Variants in EGF observed in about 807,000 individuals in gnomAD.
EGF encodes epidermal growth factor, also known as pro-epidermal growth factor.
In EGF, 95 loss-of-function variants were observed where a neutral mutation model predicts 143.8. The observed-to-expected ratio is 0.66, with a 90% CI of 0.56 to 0.78. EGF has a LOEUF of 0.78. EGF is among the 30% of genes least tolerant of loss of function. The probability of loss-of-function intolerance (pLI) is 0.00; values close to 1 mark genes in which losing one functional copy is unlikely to be tolerated. For synonymous variants in EGF, 510 were observed against 510.5 expected, an observed-to-expected ratio of 1.00 and a Z score of 0.01; for missense variants, 1,320 against 1,470.9, an observed-to-expected ratio of 0.90 and a Z score of 1.68.
intron 12 of EGF, among the ~76,000 whole-genome samples, chr4:109,975,201 A>G (rs1223171703): frequency 1.3e-5 from 2 of 152,220 alleles, no homozygotes; most frequent in African/African-American, 4.8e-5. Context: ...ATGACAGAAA[A>G]CAGAAACTGT....
chr4:109,937,666 A>C (rs888006754), intron 1 of EGF, among the ~76,000 whole-genome samples: 5 of 151,950 alleles, frequency 3.3e-5, no homozygotes, highest in African/African-American at 9.7e-5. Flanking sequence ...CTTCCTTTCC[A>C]TATTTAGTGC....
In EGF at chr4:109,980,901, C is replaced by G; in HGVS notation, c.2297C>G (p.Ser766Trp). 6.2e-7 allele frequency: 1 copy of G among 1,614,010 alleles called. No individual in the cohort carries two copies. The highest frequency in any genetic ancestry group is 1.1e-5 in the South Asian group (1 of 91,064). ...CKKRLGTAWC[S>W]CREGFMKASD... ...AAGAGGCTTGGAACTGCTTGGTGTT[C>G]GTGTCGTGAAGGTTTTATGAAAGCC... Residue 766 changes from serine to tryptophan, a missense_variant, in exon 15 of 24, where the codon TCG becomes TGG. Around this residue, in one of 5 missense-constraint regions of EGF, gnomAD observed 1,186 missense variants for 1,313.7 expected, o/e 0.90. Transcript: ENST00000265171.
At position 109,913,032 on chromosome 4, in the gene EGF, A is replaced by G. The variant is rs1735987718; in HGVS notation, c.-304A>G. On this transcript the variant is annotated 5_prime_UTR_variant, in exon 1 of 24. Transcript: ENST00000265171. Reference sequence around the variant, plus strand: ...TTGCTCTGTCACAGTGAAGTCAGCCAGAGCAGGGCTGTTAAACTCTGTGAA... The same window carrying G: ...TTGCTCTGTCACAGTGAAGTCAGCCGGAGCAGGGCTGTTAAACTCTGTGAA... 5.6e-6 allele frequency: 2 copies of G among 355,556 alleles called. No individual in the cohort carries two copies. Among genetic ancestry groups the G allele is most frequent in the Middle Eastern group, 9.3e-4 (1 of 1,078 alleles). The allele number at this position is 355,556 out of a possible 1,614,324, so 22.0% of individuals were successfully genotyped here.
At chr4:109,989,209 C>T (rs1270860917) in intron 18 of EGF, among the ~76,000 whole-genome samples, 3 of 152,150 alleles carry the variant, frequency 2.0e-5, no homozygotes, top group Non-Finnish European at 2.9e-5. Context: ...AAGCCACTGA[C>T]GTTGAAATAC....
intron 1 of EGF, among the ~76,000 whole-genome samples, chr4:109,922,422 G>A (rs1737963951): frequency 6.6e-6 from 1 of 151,666 alleles, no homozygotes. Context: ...ATACTGACAT[G>A]TTGTCTTCTG....
intron 5 of EGF, among the ~76,000 whole-genome samples, chr4:109,950,620 C>T (rs1481357012): frequency 6.6e-6 from 1 of 152,194 alleles, no homozygotes; most frequent in African/African-American, 2.4e-5. Context: ...AGCTTCTTCT[C>T]TCACCCTTGT....
intron 5 of EGF, 191 bp from the exon 6 acceptor site, chr4:109,959,121 A>G: frequency 1.3e-6 from 1 of 747,414 alleles, no homozygotes; most frequent in Non-Finnish European, 2.1e-6. Flanking sequence ...GTTTTGGAGA[A>G]GTAATACAAT....
chr4:109,987,691 G>T (rs986326389), intron 16 of EGF, 53 bp from the exon 17 acceptor site: 1 of 1,466,944 alleles, frequency 6.8e-7, no homozygotes, highest in Non-Finnish European at 9.6e-7. Flanking sequence ...ATTAAAGTCC[G>T]TTTTCTTCTC....
At chr4:109,957,076 G>A (rs992539982) in intron 5 of EGF, among the ~76,000 whole-genome samples, 25 of 152,026 alleles carry the variant, frequency 1.6e-4, no homozygotes, top group African/African-American at 6.0e-4. Context: ...TGTACACTAG[G>A]GACATTTTCA....
In EGF at chr4:109,993,362, T is replaced by A. The variant is rs2126152335; in HGVS notation, c.2850T>A (p.Ile950=). ...GACGCCTGTCTGAACCAGGACTGATTTGCCCTGGTAGGTTGGTGGGTGGTC... is the reference window on the plus strand; with the variant it reads ...GACGCCTGTCTGAACCAGGACTGATATGCCCTGGTAGGTTGGTGGGTGGTC... ...CAGRLSEPGL[I]CPDSTPPPHL... is the part of the protein sequence containing the mutation. The change falls in exon 19 of 24, where the codon ATT becomes ATA. Residue 950 remains isoleucine, a synonymous_variant. Coordinates refer to ENST00000265171, the MANE Select transcript of EGF (RefSeq NM_001963.6). The A allele has an allele frequency of 1.2e-6, 2 of 1,613,432 alleles. No individual in the cohort carries two copies. Among genetic ancestry groups the A allele is most frequent in the South Asian group, 1.1e-5 (1 of 91,056 alleles).
chr4:109,990,729 C>T (rs1471610566), intron 18 of EGF, among the ~76,000 whole-genome samples: 1 of 152,118 alleles, frequency 6.6e-6, no homozygotes, highest in Admixed American at 6.5e-5. Flanking sequence ...TTGCAGATGG[C>T]CACCTGCTCA....
At position 109,944,983 on chromosome 4, in the gene EGF, C is replaced by T; in HGVS notation, c.738-90C>T. The T allele has an allele frequency of 2.1e-6, 3 of 1,404,250 alleles. No individual in the cohort carries two copies. The South Asian group carries it at 3.7e-5, about 17-fold the overall frequency. The allele number at this position is 1,404,250 out of a possible 1,614,324, so 87.0% of individuals were successfully genotyped here. A position where few individuals can be genotyped will look rare whatever the true frequency, so the allele number is the denominator to read the frequency against. On this transcript the variant is annotated intron_variant, in intron 4 of 23. Transcript: ENST00000265171. ...CAATTGAAAACGTAGGTGGTTAAAA[C>T]TTAGACAATAAATTGAAATGAAGTG...
At chr4:110,002,657 GT>G (rs374290960) in intron 21 of EGF, among the ~76,000 whole-genome samples, 75 of 151,278 alleles carry the variant, frequency 5.0e-4, no homozygotes, top group Non-Finnish European at 7.2e-4. Flanking sequence ...TTTTTTGTGG[GT>G]TTTTTTTTAA....
rs1467238584 is a variant in EGF, at chr4:109,921,196, A to G, written c.127+7734A>G. On this transcript the variant is annotated intron_variant, in intron 1 of 23. Coordinates refer to ENST00000265171, the MANE Select transcript of EGF (RefSeq NM_001963.6). ...TATGTCTTTCTTTAGGAGATGTTCT[A>G]TTTCTTAAGAGCATCTTCCAGAGCT... 1.3e-5 allele frequency among the ~76,000 whole-genome samples: 2 copies of G among 151,374 alleles called. 1 individual carries two copies. Among genetic ancestry groups the G allele is most frequent in the African/African-American group, 4.9e-5 (2 of 40,658 alleles).
rs1751294988 is a variant in EGF at position 109,993,288 on chromosome 4, A to G, written c.2776A>G (p.Asn926Asp). 5.6e-6 allele frequency: 9 copies of G among 1,613,822 alleles called. No individual in the cohort carries two copies. The highest frequency in any genetic ancestry group is 7.6e-6 in the Non-Finnish European group (9 of 1,179,894). ...ACTGGGGGAGCACAGCTGTGGAGAG[A>G]ATGCCAGCTGCACAAATACAGAGGG... Reference protein sequence around the residue: ...CQLGEHSCGENASCTNTEGGY... With the variant: ...CQLGEHSCGEDASCTNTEGGY... The change falls in exon 19 of 24, where the codon AAT becomes GAT. Residue 926 changes from asparagine (N) to aspartate (D), a missense_variant. Physicochemically the swap from Asn to Asp is conservative, Grantham distance 23 (BLOSUM62 1). Transcript: ENST00000265171.
chr4:109,929,635 G>T lies in EGF; in HGVS notation c.128-11311G>T, dbSNP rs542060431. Reference sequence around the variant, plus strand: ...TGGGGGTAGGTAGGGGCTGTTTTCTGCTCTGGATGACACATTTCTATCACT... The same window carrying T: ...TGGGGGTAGGTAGGGGCTGTTTTCTTCTCTGGATGACACATTTCTATCACT... On this transcript the variant is annotated intron_variant, in intron 1 of 23. Transcript: ENST00000265171. Among the ~76,000 whole-genome samples, 10 of 152,272 alleles carry T rather than the reference G, an allele frequency of 6.6e-5. No individual in the cohort carries two copies. The South Asian group carries it at 2.1e-3, about 32-fold the overall frequency.
rs770423758 is a variant in EGF, at chr4:109,999,697, C to A, written c.3024C>A (p.Ile1008=). 8.1e-6 allele frequency: 13 copies of A among 1,614,082 alleles called. No individual in the cohort carries two copies. Among genetic ancestry groups the A allele is most frequent in the Non-Finnish European group, 1.0e-5 (12 of 1,180,010 alleles). The change falls in exon 21 of 24, where the codon ATC becomes ATA. Residue 1008 remains isoleucine (I), a synonymous_variant. Transcript: ENST00000265171. The part of the protein sequence containing the change: ...KYACNCVVGY[I]GERCQYRDLK... Reference sequence around the variant, plus strand: ...GTCACAGCTGTGTTGTTGGCTACATCGGGGAGCGATGTCAGTACCGAGACC... The same window carrying A: ...GTCACAGCTGTGTTGTTGGCTACATAGGGGAGCGATGTCAGTACCGAGACC...
In EGF at chr4:109,980,808, G is replaced by T; in HGVS notation, c.2222-18G>T. On this transcript the variant is annotated intron_variant, in intron 14 of 23. Coordinates refer to ENST00000265171, the MANE Select transcript of EGF (RefSeq NM_001963.6). ...CATCTTCAAACCCACTTGTGAATTT[G>T]TTTCTTTTCTCTACTAGGAGCAGAT... The T allele has an allele frequency of 1.9e-6, 3 of 1,613,866 alleles. No individual in the cohort carries two copies. Among genetic ancestry groups the T allele is most frequent in the Non-Finnish European group, 2.5e-6 (3 of 1,179,842 alleles).
chr4:109,935,045 G>A (rs1271505860), intron 1 of EGF, among the ~76,000 whole-genome samples: 1 of 152,116 alleles, frequency 6.6e-6, no homozygotes. Context: ...GGGTATAGGG[G>A]CTCTTTTTTG....
Sources: gnomAD v4.1 joint callset for allele counts (sites outside exome capture counted in the v4.1 genomes callset) on GRCh38, gnomAD v4.1.1 for gene constraint, gnomAD v4.1.1 regional missense constraint, MANE v1.5 for transcripts, NCBI Gene and HGNC (gene_info 2026-07-23, HGNC 2026-07-21) for gene names.